Variants in ARHGAP24 observed in about 807,000 individuals in gnomAD.
ARHGAP24 encodes rho GTPase-activating protein 24.
A neutral mutation model predicts 76.4 loss-of-function variants in ARHGAP24; 50 were observed. The observed-to-expected ratio is 0.65, with a 90% CI of 0.52 to 0.83. ARHGAP24 has a LOEUF of 0.83. Among genes scored for constraint, ARHGAP24 ranks in the 40% least tolerant of loss-of-function variants. ARHGAP24 has a pLI of 0.00. For synonymous variants in ARHGAP24, 345 were observed against 323.3 expected, an observed-to-expected ratio of 1.07 and a Z score of -0.72; for missense variants, 930 against 914.2, an observed-to-expected ratio of 1.02 and a Z score of -0.22.
At chr4:85,866,281 T>C (rs944336288) in intron 3 of ARHGAP24, among the ~76,000 whole-genome samples, 3 of 152,152 alleles carry the variant, frequency 2.0e-5, no homozygotes, top group Non-Finnish European at 4.4e-5. Flanking sequence ...AAACCTAGAA[T>C]AACTTCTCAT....
At chr4:85,617,447 G>T (rs759968092) in intron 2 of ARHGAP24, among the ~76,000 whole-genome samples, 1 of 151,688 alleles carries the variant, frequency 6.6e-6, no homozygotes, top group African/African-American at 2.4e-5. Context: ...CACATATATT[G>T]TTCCTCTTTG....
At chr4:85,765,587 C>T (rs1726901994) in intron 3 of ARHGAP24, among the ~76,000 whole-genome samples, 1 of 152,072 alleles carries the variant, frequency 6.6e-6, no homozygotes, top group East Asian at 1.9e-4. Flanking sequence ...TCTTTACAAG[C>T]TTCTGGTATA....
At position 85,692,448 on chromosome 4, in the gene ARHGAP24, T is replaced by A. The variant is rs146719474; in HGVS notation, c.181-29437T>A. Among the ~76,000 whole-genome samples the A allele has an allele frequency of 3.9e-4, 59 of 152,314 alleles. No individual in the cohort carries two copies. In the East Asian group the frequency reaches 0.011, roughly 29 times the overall value. On this transcript the variant is annotated intron_variant, in intron 2 of 9. Coordinates refer to ENST00000395184, the MANE Select transcript of ARHGAP24 (RefSeq NM_001025616.3). ...AAGTTGCTTATTCTCTGTCCTTCTG[T>A]CTCAGGAATGCCAATGAGCCATAGA...
rs3028011 is a variant in ARHGAP24 at position 85,564,924 on chromosome 4, GTATATATATATATATATATA to G, written c.-20-5571_-20-5552del. ...CCCTGCTCTAGGCAGAACACACACG[GTATATATATATATATATATA>G]TATATATATATATATATATATATAT... On this transcript the variant is annotated intron_variant, in intron 1 of 9. Coordinates refer to ENST00000395184, the MANE Select transcript of ARHGAP24 (RefSeq NM_001025616.3). Among the ~76,000 whole-genome samples, 111 of 53,258 alleles carry G rather than the reference GTATATATATATATATATATA, an allele frequency of 2.1e-3. 2 individuals carry two copies. Among genetic ancestry groups the G allele is most frequent in the East Asian group, 0.012 (8 of 654 alleles). 34.9% of individuals were successfully genotyped at this position (53,258 alleles called of 152,430 possible).
intron 3 of ARHGAP24, among the ~76,000 whole-genome samples, chr4:85,763,119 A>G (rs992249632): frequency 2.0e-5 from 3 of 152,196 alleles, no homozygotes; most frequent in African/African-American, 4.8e-5. Context: ...TATATTTTAT[A>G]GTTGCAGGAA....
chr4:85,495,012 A>G (rs1303786712), intron 1 of ARHGAP24, among the ~76,000 whole-genome samples: 1 of 149,264 alleles, frequency 6.7e-6, no homozygotes, highest in Admixed American at 6.7e-5. Context: ...GTAGAATGGC[A>G]TGAACCCGGG....
At chr4:85,838,548 G>A (rs1271483418) in intron 3 of ARHGAP24, among the ~76,000 whole-genome samples, 3 of 152,134 alleles carry the variant, frequency 2.0e-5, no homozygotes, top group Admixed American at 1.3e-4. Context: ...GCAGTGAGCC[G>A]AGATCACGCC....
intron 1 of ARHGAP24, among the ~76,000 whole-genome samples, chr4:85,499,595 G>A (rs1723719497): frequency 1.3e-5 from 2 of 152,138 alleles, no homozygotes; most frequent in African/African-American, 4.8e-5. Context: ...GCCTTGGTGG[G>A]GCCAAGATTG....
At chr4:85,726,076 T>C (rs1318581357) in intron 3 of ARHGAP24, among the ~76,000 whole-genome samples, 2 of 152,206 alleles carry the variant, frequency 1.3e-5, no homozygotes, top group Non-Finnish European at 2.9e-5. Flanking sequence ...TTCCTCCAAG[T>C]AGCACTTCCT....
At chr4:85,760,581 G>C (rs1356973514) in intron 3 of ARHGAP24, among the ~76,000 whole-genome samples, 1 of 152,082 alleles carries the variant, frequency 6.6e-6, no homozygotes, top group Non-Finnish European at 1.5e-5. Flanking sequence ...GGAAAAGTGG[G>C]GAATAGGACC....
chr4:85,918,149 T>C (rs1385514633), intron 3 of ARHGAP24, among the ~76,000 whole-genome samples: 1 of 152,078 alleles, frequency 6.6e-6, no homozygotes, highest in Admixed American at 6.6e-5. Flanking sequence ...AATCTCCCAA[T>C]CTTAGCAATC....
chr4:85,637,536 C>T (rs1259019499), intron 2 of ARHGAP24, among the ~76,000 whole-genome samples: 6 of 151,950 alleles, frequency 3.9e-5, no homozygotes, highest in Admixed American at 2.0e-4. Flanking sequence ...AACCACTAGC[C>T]GCATGGGGCT....
chr4:85,589,611 A>C (rs1325833658), intron 2 of ARHGAP24, among the ~76,000 whole-genome samples: 1 of 152,186 alleles, frequency 6.6e-6, no homozygotes, highest in Non-Finnish European at 1.5e-5. Context: ...TATCTTCTAC[A>C]TCTCCGGCCA....
At chr4:85,585,062 T>C (rs929974230) in intron 2 of ARHGAP24, among the ~76,000 whole-genome samples, 2 of 152,188 alleles carry the variant, frequency 1.3e-5, no homozygotes, top group Non-Finnish European at 2.9e-5. Flanking sequence ...TTTTTTGCAA[T>C]AATTCATGAA....
At chr4:85,706,621 A>C (rs1724318623) in intron 2 of ARHGAP24, among the ~76,000 whole-genome samples, 1 of 151,124 alleles carries the variant, frequency 6.6e-6, no homozygotes, top group South Asian at 2.1e-4. Flanking sequence ...GCTGGAGTGC[A>C]GTGGCGTGAT....
At position 85,585,227 on chromosome 4, in the gene ARHGAP24, C is replaced by T. The variant is rs182768045; in HGVS notation, c.180+14506C>T. On this transcript the variant is annotated intron_variant, in intron 2 of 9. Transcript: ENST00000395184. ...TCATACAATGAAAAAGATTTGTTAA[C>T]AAAAGCAGATGTATTCCTTCTGTTT... Among the ~76,000 whole-genome samples the T allele has an allele frequency of 1.6e-3, 251 of 152,296 alleles. 2 individuals are homozygous for T. Among genetic ancestry groups the T allele is most frequent in the African/African-American group, 5.7e-3 (238 of 41,568 alleles).
chr4:85,683,629 CACATA>C (rs1292613026), intron 2 of ARHGAP24, among the ~76,000 whole-genome samples: 1 of 150,028 alleles, frequency 6.7e-6, no homozygotes, highest in South Asian at 2.1e-4. Context: ...TGATAACAGA[CACATA>C]ACATGAGATC....
intron 3 of ARHGAP24, among the ~76,000 whole-genome samples, chr4:85,756,438 T>A (rs1023445057): frequency 6.6e-6 from 1 of 152,204 alleles, no homozygotes; most frequent in Non-Finnish European, 1.5e-5. Context: ...TTTTAGGGCA[T>A]TAGTAACTAG....
chr4:85,793,490 T>C (rs1728216280), intron 3 of ARHGAP24, among the ~76,000 whole-genome samples: 1 of 152,188 alleles, frequency 6.6e-6, no homozygotes, highest in Non-Finnish European at 1.5e-5. Context: ...CAAACCTTAT[T>C]TCCCACAGAA....
Sources: allele counts gnomAD v4.1 joint callset (sites outside exome capture counted in the v4.1 genomes callset), GRCh38; gene constraint gnomAD v4.1.1; transcripts MANE v1.5; gene names NCBI Gene and HGNC (gene_info 2026-07-23, HGNC 2026-07-21).